PCDHA1: variants seen among roughly 807,000 people sequenced by gnomAD.
PCDHA1 encodes protocadherin alpha-1.
Under a neutral mutation model 61.3 loss-of-function variants are expected in PCDHA1, and 42 were observed. The ratio of observed to expected loss-of-function variants is 0.69; its 90% CI spans 0.54 to 0.89. The LOEUF (loss-of-function observed/expected upper bound fraction) is 0.89. Ranked by LOEUF, PCDHA1 falls within the 40% of genes least tolerant of loss-of-function variation. The pLI is 0.00. For synonymous variants in PCDHA1, 610 were observed against 553.8 expected, an observed-to-expected ratio of 1.10 and a Z score of -1.43; for missense variants, 1,256 against 1,235.3, an observed-to-expected ratio of 1.02 and a Z score of -0.25.
rs2150490621 is a variant in PCDHA1 at position 140,850,594 on chromosome 5, T to C, written c.2394+61910T>C. The C allele has an allele frequency of 2.5e-6, 4 of 1,598,338 alleles. No individual in the cohort carries two copies. In the East Asian group the frequency reaches 8.9e-5, roughly 36 times the overall value. The stretch of plus-strand genomic sequence containing the variant: ...ACGCTGGTGGATGTCAACGTGTACC[T>C]GATCATCGCCATCTGCGCGGTGTCT... On this transcript the variant is annotated intron_variant, in intron 1 of 3. Coordinates refer to ENST00000504120, the MANE Select transcript of PCDHA1 (RefSeq NM_018900.4).
chr5:140,939,215 G>C (rs1251785254), intron 1 of PCDHA1, among the ~76,000 whole-genome samples: 1 of 152,154 alleles, frequency 6.6e-6, no homozygotes, highest in African/African-American at 2.4e-5. Context: ...CCTTCTTGCT[G>C]TCTCTTCACC....
intron 1 of PCDHA1, chr5:140,884,083 G>C (rs538322622): frequency 1.2e-6 from 2 of 1,613,596 alleles, no homozygotes; most frequent in South Asian, 1.1e-5. Context: ...GCTACAATGC[G>C]TGGCTTTCGT....
At chr5:140,870,732 T>A (rs782731773) in intron 1 of PCDHA1, 10 of 1,613,288 alleles carry the variant, frequency 6.2e-6, no homozygotes, top group East Asian at 2.2e-5. Flanking sequence ...GCGTGCCGCC[T>A]CTGAGCAGCA....
At chr5:140,994,631 G>A (rs978359081) in intron 3 of PCDHA1, among the ~76,000 whole-genome samples, 1 of 152,106 alleles carries the variant, frequency 6.6e-6, no homozygotes, top group Non-Finnish European at 1.5e-5. Flanking sequence ...CTTGAACCTG[G>A]AAGGTGGAGG....
At chr5:140,871,103 C>A (rs202137231) in intron 1 of PCDHA1, 29 of 1,613,172 alleles carry the variant, frequency 1.8e-5, no homozygotes, top group South Asian at 1.2e-4. Context: ...GTGCTGGTGT[C>A]GTTGGTGGAG....
At chr5:140,850,434 C>T (rs2150484212) in intron 1 of PCDHA1, 3 of 1,597,894 alleles carry the variant, frequency 1.9e-6, no homozygotes, top group Non-Finnish European at 1.7e-6. Flanking sequence ...GCGCCAGCGC[C>T]TACTGGTGCT....
intron 1 of PCDHA1, chr5:140,851,440 C>T (rs1474204778): frequency 1.1e-6 from 1 of 926,576 alleles, no homozygotes; most frequent in South Asian, 4.9e-5. Flanking sequence ...AAAACAGTTG[C>T]TCCACTTTAG....
At chr5:140,822,968 C>T (rs2150120818) in intron 1 of PCDHA1, 1 of 1,614,232 alleles carries the variant, frequency 6.2e-7, no homozygotes, top group East Asian at 2.2e-5. Context: ...AAGCTGGTGT[C>T]CACCTTCAAG....
At chr5:140,801,494 C>T in intron 1 of PCDHA1, 2 of 1,614,120 alleles carry the variant, frequency 1.2e-6, no homozygotes, top group South Asian at 2.2e-5. Flanking sequence ...GCGGGCGGAG[C>T]GCGGAGTGCA....
chr5:140,892,826 C>T (rs1554185388), intron 1 of PCDHA1, among the ~76,000 whole-genome samples: 1 of 152,166 alleles, frequency 6.6e-6, no homozygotes, highest in Non-Finnish European at 1.5e-5. Flanking sequence ...TACAGTGCTA[C>T]AGTGCTGCAA....
Position 140,842,387 on chromosome 5 carries a change from T to G in PCDHA1, c.2394+53703T>G, listed in dbSNP as rs2150335066. Reference sequence around the variant, plus strand: ...CCCTGAGATAGCACTGACTTCCTTATCCTTGCCTGTACGTGAAGACGCTCA... The same window carrying G: ...CCCTGAGATAGCACTGACTTCCTTAGCCTTGCCTGTACGTGAAGACGCTCA... On this transcript the variant is annotated intron_variant, in intron 1 of 3. Transcript: ENST00000504120. 4.3e-6 allele frequency: 7 copies of G among 1,611,016 alleles called. No individual in the cohort carries two copies. In the East Asian group the frequency reaches 1.6e-4, roughly 36 times the overall value.
At chr5:140,876,141 AG>A in intron 1 of PCDHA1, 1 of 1,613,984 alleles carries the variant, frequency 6.2e-7, no homozygotes, top group Non-Finnish European at 8.5e-7. Context: ...CAGAACTAAC[AG>A]GGTCTGTCCA....
At chr5:140,814,216 G>GT (rs2126652899) in intron 1 of PCDHA1, 7,078 of 149,294 alleles carry the variant, frequency 0.047, 511 homozygotes, top group African/African-American at 0.16. Context: ...TTTACTTAGT[G>GT]TTTTTTTTTG....
At chr5:140,968,273 G>A in intron 1 of PCDHA1, 1 of 1,614,080 alleles carries the variant, frequency 6.2e-7, no homozygotes, top group African/African-American at 1.3e-5. Context: ...GGAGAATGCA[G>A]AGGTGACCTA....
At chr5:140,823,382 C>T in intron 1 of PCDHA1, 2 of 1,612,792 alleles carry the variant, frequency 1.2e-6, no homozygotes, top group Non-Finnish European at 1.7e-6. Flanking sequence ...CAGGTGAGCG[C>T]GCGCGACGCG....
rs550777016 is a variant in PCDHA1 at position 140,788,351 on chromosome 5, G to C, written c.2061G>C (p.Ala687=). 3 of 1,613,932 alleles carry C rather than the reference G, an allele frequency of 1.9e-6. No homozygotes were observed. Among genetic ancestry groups the C allele is most frequent in the East Asian group, 2.2e-5 (1 of 44,872 alleles). ...KASSRASVGV[A]GPEAALVDVN... is the part of the protein sequence containing the mutation. ...CTTCGCGGGCGTCGGTGGGTGTCGC[G>C]GGCCCAGAGGCGGCGCTGGTGGATG... is the stretch of plus-strand genomic sequence containing the variant. Residue 687 remains alanine (A), a synonymous_variant, in exon 1 of 4, where the codon GCG becomes GCC. Transcript: ENST00000504120.
rs114294981 is a variant in PCDHA1, at chr5:140,997,261, C to T, written c.2543-12366C>T. On this transcript the variant is annotated intron_variant, in intron 3 of 3. Transcript: ENST00000504120. ...CATGTTTACTTTAGGGTTCACTCTT[C>T]CAAATATTTCTTGCATCACTTAACA... Among the ~76,000 whole-genome samples, 265 of 152,266 alleles carry T rather than the reference C, an allele frequency of 1.7e-3. 1 individual carries two copies. The highest frequency in any genetic ancestry group is 6.2e-3 in the African/African-American group (257 of 41,540).
chr5:140,944,276 A>C (rs2093633258), intron 1 of PCDHA1, among the ~76,000 whole-genome samples: 1 of 152,002 alleles, frequency 6.6e-6, no homozygotes, highest in Non-Finnish European at 1.5e-5. Flanking sequence ...CAGCCTTGAC[A>C]CCCCGGGCTC....
chr5:140,850,443 C>T, intron 1 of PCDHA1: 4 of 1,597,988 alleles, frequency 2.5e-6, no homozygotes, highest in Non-Finnish European at 3.4e-6. Flanking sequence ...CCTACTGGTG[C>T]TGGTGAAAGA....
Sources: allele counts gnomAD v4.1 joint callset (sites outside exome capture counted in the v4.1 genomes callset), GRCh38; gene constraint gnomAD v4.1.1; transcripts MANE v1.5; gene names NCBI Gene and HGNC (gene_info 2026-07-23, HGNC 2026-07-21).